The following MAPK8 variants were observed in gnomAD, a reference collection of about 807,000 sequenced individuals.
MAPK8 encodes the protein mitogen-activated protein kinase 8, also known as JUN N-terminal kinase.
Under a neutral mutation model 52.9 loss-of-function variants are expected in MAPK8, and 13 were observed. The ratio of observed to expected loss-of-function variants is 0.25; its 90% CI spans 0.16 to 0.39. MAPK8 has a LOEUF of 0.39. Among genes scored for constraint, MAPK8 ranks in the 10% least tolerant of loss-of-function variants. The pLI is 1.00. For missense variants in MAPK8, 300 were observed against 519.2 expected (o/e 0.58, Z 4.10); for synonymous variants, 191 against 169.8 (o/e 1.12, Z -0.97).
intron 1 of MAPK8, among the ~76,000 whole-genome samples, chr10:48,346,578 A>G (rs1384718701): frequency 2.6e-5 from 4 of 151,902 alleles, no homozygotes; most frequent in East Asian, 1.9e-4. Flanking sequence ...TCCCCGGGGG[A>G]GTTTAGAGAA....
intron 1 of MAPK8, among the ~76,000 whole-genome samples, chr10:48,379,855 A>G (rs1454721417): frequency 1.3e-5 from 2 of 150,134 alleles, no homozygotes; most frequent in African/African-American, 2.4e-5. Flanking sequence ...ATACTTGAAT[A>G]TGGTACAAAC....
chr10:48,396,657 A>G (rs1478323881), intron 1 of MAPK8, among the ~76,000 whole-genome samples: 2 of 152,234 alleles, frequency 1.3e-5, no homozygotes, highest in Non-Finnish European at 2.9e-5. Flanking sequence ...GCTTTGTCAT[A>G]GCCAGCAAGG....
At chr10:48,365,773 A>G (rs1237964341) in intron 1 of MAPK8, among the ~76,000 whole-genome samples, 1 of 152,192 alleles carries the variant, frequency 6.6e-6, no homozygotes, top group Non-Finnish European at 1.5e-5. Flanking sequence ...AGATATGAGT[A>G]TAAGGAAGAC....
At chr10:48,385,669 A>G (rs2041270779) in intron 1 of MAPK8, among the ~76,000 whole-genome samples, 1 of 152,124 alleles carries the variant, frequency 6.6e-6, no homozygotes, top group African/African-American at 2.4e-5. Context: ...CAACTTGAAG[A>G]TGAGATAGAG....
At chr10:48,313,663 G>T (rs1190964638) in intron 1 of MAPK8, among the ~76,000 whole-genome samples, 2 of 152,230 alleles carry the variant, frequency 1.3e-5, no homozygotes, top group Non-Finnish European at 2.9e-5. Flanking sequence ...CATATATACA[G>T]TACTGTATAG....
chr10:48,403,952 T>TGTGG (rs1589205227), intron 2 of MAPK8, among the ~76,000 whole-genome samples: 2 of 151,144 alleles, frequency 1.3e-5, no homozygotes, highest in East Asian at 3.9e-4. Flanking sequence ...TGTGTGTGTG[T>TGTGG]GTGTGTATTT....
intron 5 of MAPK8, among the ~76,000 whole-genome samples, chr10:48,413,170 T>A (rs2133106655): frequency 6.6e-6 from 1 of 152,356 alleles, no homozygotes; most frequent in African/African-American, 2.4e-5. Context: ...GTATATACCA[T>A]ACTTGCTTAT....
At chr10:48,415,647 ACT>A (rs2043026713) in intron 5 of MAPK8, among the ~76,000 whole-genome samples, 1 of 152,072 alleles carries the variant, frequency 6.6e-6, no homozygotes, top group African/African-American at 2.4e-5. Flanking sequence ...AACAAGGGTA[ACT>A]CTATTTAATG....
chr10:48,331,963 A>G (rs202238584), intron 1 of MAPK8, among the ~76,000 whole-genome samples: 15 of 152,230 alleles, frequency 9.9e-5, no homozygotes, highest in Admixed American at 7.8e-4. Flanking sequence ...CATTCTTTCT[A>G]CCTTTCCAGA....
At chr10:48,401,505 A>G in intron 1 of MAPK8, 107 bp from the exon 2 acceptor site, 1 of 611,060 alleles carries the variant, frequency 1.6e-6, no homozygotes, top group African/African-American at 2.0e-5. Flanking sequence ...AGCTCTTTTC[A>G]TGATCTAGCA....
At chr10:48,429,053 CT>C (rs2043937964) in intron 10 of MAPK8, among the ~76,000 whole-genome samples, 2 of 151,340 alleles carry the variant, frequency 1.3e-5, no homozygotes, top group East Asian at 1.9e-4. Context: ...AACTTCTGGG[CT>C]TAAGTGATCC....
intron 10 of MAPK8, among the ~76,000 whole-genome samples, chr10:48,429,037 G>C (rs888449743): frequency 4.0e-5 from 6 of 151,408 alleles, no homozygotes; most frequent in African/African-American, 1.5e-4. Context: ...GCCCAGGCTG[G>C]TTTCAAACTT....
intron 5 of MAPK8, among the ~76,000 whole-genome samples, chr10:48,411,853 T>C: frequency 9.7e-6 from 1 of 103,210 alleles, no homozygotes; most frequent in African/African-American, 3.9e-5. Flanking sequence ...CTCCACCCTC[T>C]CCTCTCTTCC....
intron 1 of MAPK8, among the ~76,000 whole-genome samples, chr10:48,348,223 AC>A (rs1165546139): frequency 1.3e-5 from 2 of 152,116 alleles, no homozygotes; most frequent in Non-Finnish European, 2.9e-5. Context: ...TGTTTCACCC[AC>A]TTTTTGATGG....
chr10:48,409,046 C>T (rs925956049), intron 3 of MAPK8, among the ~76,000 whole-genome samples: 9 of 152,122 alleles, frequency 5.9e-5, no homozygotes, highest in Non-Finnish European at 1.0e-4. Flanking sequence ...TTTCCAAATA[C>T]TATCACATTG....
chr10:48,342,866 C>T (rs2132352401), intron 1 of MAPK8, among the ~76,000 whole-genome samples: 1 of 152,274 alleles, frequency 6.6e-6, no homozygotes, highest in Non-Finnish European at 1.5e-5. Context: ...AGAATTGGAA[C>T]TCACACTTGG....
intron 1 of MAPK8, among the ~76,000 whole-genome samples, chr10:48,400,926 A>G (rs2042126704): frequency 6.6e-6 from 1 of 151,924 alleles, no homozygotes; most frequent in Non-Finnish European, 1.5e-5. Flanking sequence ...TTAATGCCTC[A>G]GGCAGGATAG....
intron 1 of MAPK8, among the ~76,000 whole-genome samples, chr10:48,345,945 A>T (rs72794355): frequency 6.6e-6 from 1 of 152,196 alleles, no homozygotes; most frequent in Non-Finnish European, 1.5e-5. Flanking sequence ...GCAAAGACCA[A>T]GTGAGGACCT....
At chr10:48,388,907 C>T (rs139523632) in intron 1 of MAPK8, among the ~76,000 whole-genome samples, 14 of 152,140 alleles carry the variant, frequency 9.2e-5, no homozygotes, top group African/African-American at 3.4e-4. Context: ...ACTTAGTAGG[C>T]AGTCTCCTAA....
Sources: allele counts gnomAD v4.1 joint callset (sites outside exome capture counted in the v4.1 genomes callset), GRCh38; gene constraint gnomAD v4.1.1; transcripts MANE v1.5; gene names NCBI Gene and HGNC (gene_info 2026-07-23, HGNC 2026-07-21).